ERCC8: variants seen among roughly 807,000 people sequenced by gnomAD.
ERCC8 encodes the protein ERCC excision repair 8, CSA ubiquitin ligase complex subunit.
In ERCC8, 52 loss-of-function variants were observed where a neutral mutation model predicts 54.9. The observed-to-expected ratio is 0.95, with a 90% CI of 0.76 to 1.19. ERCC8 has a LOEUF of 1.19. Ranked by LOEUF, ERCC8 falls within the 50% of genes most tolerant of loss-of-function variation. The pLI is 0.00. For synonymous variants in ERCC8, 146 were observed against 157.2 expected (o/e 0.93, Z 0.53); for missense variants, 514 against 466.1 (o/e 1.10, Z -0.95).
chr5:60,879,430 C>T (rs1748129714), intron 11 of ERCC8, among the ~76,000 whole-genome samples: 1 of 152,112 alleles, frequency 6.6e-6, no homozygotes, highest in South Asian at 2.1e-4. Flanking sequence ...TCCTTGTTAA[C>T]TTTCTGTCTT....
At chr5:60,944,387 A>G (rs1377962087) in intron 1 of ERCC8, among the ~76,000 whole-genome samples, 1 of 152,076 alleles carries the variant, frequency 6.6e-6, no homozygotes, top group African/African-American at 2.4e-5. Context: ...CTGTTACCTT[A>G]TTCTCATCTT....
At chr5:60,891,880 C>T (rs1336580808) in intron 9 of ERCC8, 9 of 445,420 alleles carry the variant, frequency 2.0e-5, no homozygotes, top group Non-Finnish European at 2.7e-5. Flanking sequence ...GGTAATCTCC[C>T]GTCCCACTGG....
rs111316235 is a variant in ERCC8, at chr5:60,891,703, T to G, written c.844-617A>C. On this transcript the variant is annotated intron_variant, in intron 9 of 11. Coordinates refer to ENST00000676185, the MANE Select transcript of ERCC8 (RefSeq NM_000082.4). ...GCTGATACTTCTTTTATTTCTGTTG[T>G]AAAACAGAGTAGGGGTTAAATAAAG... Among the ~76,000 whole-genome samples, 362 of 151,694 alleles carry G rather than the reference T, an allele frequency of 2.4e-3. 8 individuals are homozygous for G. Among genetic ancestry groups the G allele is most frequent in the African/African-American group, 8.5e-3 (352 of 41,324 alleles).
intron 3 of ERCC8, among the ~76,000 whole-genome samples, chr5:60,920,107 G>T (rs945751408): frequency 1.3e-5 from 2 of 151,860 alleles, no homozygotes; most frequent in African/African-American, 4.8e-5. Flanking sequence ...AGTCTGCGTT[G>T]GTGACATATA....
intron 6 of ERCC8, chr5:60,903,373 T>C (rs1181446017): frequency 7.6e-6 from 3 of 394,338 alleles, no homozygotes; most frequent in East Asian, 1.1e-4. Flanking sequence ...GTTGCATTAG[T>C]CTTTTTAATG....
intron 11 of ERCC8, among the ~76,000 whole-genome samples, chr5:60,880,591 T>C (rs936384991): frequency 1.2e-4 from 19 of 152,190 alleles, no homozygotes; most frequent in Non-Finnish European, 2.4e-4. Flanking sequence ...TCTAAACTTC[T>C]CTTCTCACTT....
intron 4 of ERCC8, among the ~76,000 whole-genome samples, chr5:60,906,405 GT>G (rs1290488711): frequency 1.3e-5 from 2 of 151,792 alleles, no homozygotes; most frequent in East Asian, 3.9e-4. Context: ...TACAAAGGTG[GT>G]TGAGTTTTGG....
chr5:60,933,597 G>A (rs1242576935), intron 1 of ERCC8, among the ~76,000 whole-genome samples: 2 of 151,970 alleles, frequency 1.3e-5, no homozygotes, highest in Non-Finnish European at 2.9e-5. Context: ...TTTATCAATA[G>A]GTTTTGGGGG....
chr5:60,876,205 G>T (rs929707612), intron 11 of ERCC8, among the ~76,000 whole-genome samples: 24 of 152,174 alleles, frequency 1.6e-4, no homozygotes, highest in Non-Finnish European at 2.8e-4. Flanking sequence ...CAGAGGACAT[G>T]AACTCATCAT....
intron 1 of ERCC8, among the ~76,000 whole-genome samples, chr5:60,938,815 T>C (rs1164468376): frequency 2.6e-5 from 4 of 152,224 alleles, no homozygotes; most frequent in African/African-American, 4.8e-5. Context: ...TAGCTTTATA[T>C]AATGTCCTTC....
At position 60,898,391 on chromosome 5, in the gene ERCC8, G is replaced by C. The variant is rs750457709; in HGVS notation, c.728C>G (p.Ala243Gly). 44 of 1,613,272 alleles carry C rather than the reference G, an allele frequency of 2.7e-5. 1 individual carries two copies. The South Asian group carries it at 4.8e-4, about 18-fold the overall frequency. The change falls in exon 9 of 12, where the codon GCT (alanine) becomes GGT (glycine). Residue 243 changes from alanine to glycine, a missense_variant. Ala to Gly is a moderately conservative substitution (Grantham distance 60). Coordinates refer to ENST00000676185, the MANE Select transcript of ERCC8 (RefSeq NM_000082.4). ...KSQAVESANT[A>G]HNGKVNGLCF... is the part of the protein sequence containing the mutation. Reference sequence around the variant, plus strand: ...TAAGCCATTAACTTTCCCATTATGAGCAGTGTTTGCTGCAATGAAAAACAT... The same window carrying C: ...TAAGCCATTAACTTTCCCATTATGACCAGTGTTTGCTGCAATGAAAAACAT...
Position 60,869,962 on chromosome 5 carries a change from C to T in ERCC8, c.*4653G>A, listed in dbSNP as rs912558813. On this transcript the variant is annotated 3_prime_UTR_variant, in exon 12 of 12. Coordinates refer to ENST00000676185, the MANE Select transcript of ERCC8 (RefSeq NM_000082.4). ...ACTGGAGAGAAGTTATACATGATCG[C>T]TGCCTTCATAATAGATTCATTGATA... Among the ~76,000 whole-genome samples the T allele has an allele frequency of 6.6e-6, 1 of 152,148 alleles. No individual in the cohort carries two copies. The highest frequency in any genetic ancestry group is 2.4e-5 in the African/African-American group (1 of 41,430).
intron 11 of ERCC8, among the ~76,000 whole-genome samples, chr5:60,878,223 A>C (rs1006417631): frequency 1.3e-5 from 2 of 152,180 alleles, no homozygotes; most frequent in Non-Finnish European, 2.9e-5. Flanking sequence ...GATGAAGCCC[A>C]CTTGTTCATG....
At chr5:60,879,607 C>T (rs1168329172) in intron 11 of ERCC8, among the ~76,000 whole-genome samples, 1 of 152,094 alleles carries the variant, frequency 6.6e-6, no homozygotes, top group Non-Finnish European at 1.5e-5. Flanking sequence ...TGAATTGATC[C>T]CTTTACCATT....
intron 4 of ERCC8, among the ~76,000 whole-genome samples, chr5:60,912,739 A>T (rs1314063900): frequency 2.0e-5 from 3 of 152,098 alleles, no homozygotes; most frequent in Non-Finnish European, 2.9e-5. Flanking sequence ...TGTCATAAAT[A>T]GCCCTTATTA....
In ERCC8 at chr5:60,871,677, G is replaced by C. The variant is rs1747865766; in HGVS notation, c.*2938C>G. Among the ~76,000 whole-genome samples the C allele has an allele frequency of 6.6e-6, 1 of 152,138 alleles. No homozygotes were observed. The highest frequency in any genetic ancestry group is 1.5e-5 in the Non-Finnish European group (1 of 68,014). ...ACCTTCCTTTTTAGATTTTTATGTT[G>C]TTTGAATTATTTATAATGAGCCTAT... On this transcript the variant is annotated 3_prime_UTR_variant, in exon 12 of 12. Coordinates refer to ENST00000676185, the MANE Select transcript of ERCC8 (RefSeq NM_000082.4).
At chr5:60,878,079 G>A (rs1212093184) in intron 11 of ERCC8, among the ~76,000 whole-genome samples, 1 of 152,190 alleles carries the variant, frequency 6.6e-6, no homozygotes, top group Non-Finnish European at 1.5e-5. Flanking sequence ...TTTTTAGCAT[G>A]AAGGTTGTTG....
intron 9 of ERCC8, among the ~76,000 whole-genome samples, chr5:60,895,538 C>T (rs970219750): frequency 5.3e-5 from 8 of 151,990 alleles, no homozygotes; most frequent in African/African-American, 1.5e-4. Flanking sequence ...AGTTATGTAT[C>T]GTGAAAAAGC....
intron 4 of ERCC8, among the ~76,000 whole-genome samples, chr5:60,913,062 TTG>T (rs1749318489): frequency 1.3e-5 from 2 of 152,216 alleles, no homozygotes; most frequent in East Asian, 3.9e-4. Flanking sequence ...TCTTTTTTTG[TTG>T]TGTCTCTGCC....
Sources: allele counts gnomAD v4.1 joint callset (sites outside exome capture counted in the v4.1 genomes callset), GRCh38; gene constraint gnomAD v4.1.1; transcripts MANE v1.5; gene names NCBI Gene and HGNC (gene_info 2026-07-23, HGNC 2026-07-21).